The following PEX19 variants were observed in gnomAD, a reference collection of about 807,000 sequenced individuals.
PEX19 encodes 33 kDa housekeeping protein.
Under a neutral mutation model 36.3 loss-of-function variants are expected in PEX19, and 29 were observed. The ratio of observed to expected loss-of-function variants is 0.80; its 90% CI spans 0.60 to 1.09. The LOEUF is 1.09. Ranked by LOEUF, PEX19 falls within the 50% of genes least tolerant of loss-of-function variation. The pLI is 0.00. For missense variants in PEX19, 396 were observed against 368.1 expected (o/e 1.08, Z -0.62); for synonymous variants, 141 against 135.2 (o/e 1.04, Z -0.30).
rs1369737819 is a variant in PEX19, at chr1:160,277,929, A to C, written c.*1622T>G. 1.4e-6 allele frequency: 1 copy of C among 690,334 alleles called. No homozygotes were observed. The highest frequency in any genetic ancestry group is 1.5e-5 in the South Asian group (1 of 66,610). 42.8% of individuals were successfully genotyped at this position (690,334 alleles called of 1,614,324 possible). ...AAGGTATAGGAGTTGGAATTTCCCA[A>C]ATAGCCTGAGACCTTGAGAACATTT... On this transcript the variant is annotated 3_prime_UTR_variant, in exon 8 of 8. Transcript: ENST00000368072.
Position 160,279,488 on chromosome 1 carries a change from A to G in PEX19, c.*63T>C, listed in dbSNP as rs550487837. ...GGTGACACTCCTGCCTCAGGTCCCA[A>G]TGGTTCTGCTGACTCCAGATGTTCC... On this transcript the variant is annotated 3_prime_UTR_variant, in exon 8 of 8. Coordinates refer to ENST00000368072, the MANE Select transcript of PEX19 (RefSeq NM_002857.4). 158 of 1,348,862 alleles carry G rather than the reference A, an allele frequency of 1.2e-4. No homozygotes were observed. The African/African-American group carries it at 1.9e-3, about 16-fold the overall frequency. 83.6% of individuals were successfully genotyped at this position (1,348,862 alleles called of 1,614,324 possible). A position where few individuals can be genotyped will look rare whatever the true frequency, so the allele number is the denominator to read the frequency against.
intron 4 of PEX19, 29 bp from the exon 5 acceptor site, chr1:160,282,229 G>C (rs866356222): frequency 1.2e-6 from 2 of 1,612,322 alleles, no homozygotes; most frequent in African/African-American, 1.3e-5. Context: ...AGGTGAGCAG[G>C]TATACTACCT....
Position 160,278,588 on chromosome 1 carries a change from A to G in PEX19, c.*963T>C. 2.2e-6 allele frequency: 1 copy of G among 457,130 alleles called. No homozygotes were observed. Among genetic ancestry groups the G allele is most frequent in the Non-Finnish European group, 4.4e-6 (1 of 228,930 alleles). The allele number at this position is 457,130 out of a possible 1,614,324, so 28.3% of individuals were successfully genotyped here. On this transcript the variant is annotated 3_prime_UTR_variant, in exon 8 of 8. Transcript: ENST00000368072. ...AAGCTACTTTCCTGAACCAAGGGAC[A>G]GGATTCTAAGAGAATCATGTATCTC...
Position 160,278,063 on chromosome 1 carries a change from ATTTGC to A in PEX19, c.*1483_*1487del, listed in dbSNP as rs747104085. 2.1e-5 allele frequency: 15 copies of A among 702,282 alleles called. No homozygotes were observed. The highest frequency in any genetic ancestry group is 2.3e-4 in the Middle Eastern group (1 of 4,392). The allele number at this position is 702,282 out of a possible 1,614,324, so 43.5% of individuals were successfully genotyped here. ...TCAAAGCGACTCATAATGCATGTGAATTTGCTTTGGAGAGACTTATCTTCTGAGTG... is the reference window on the plus strand; with the variant it reads ...TCAAAGCGACTCATAATGCATGTGAATTTGGAGAGACTTATCTTCTGAGTG... On this transcript the variant is annotated 3_prime_UTR_variant, in exon 8 of 8. Transcript: ENST00000368072.
At position 160,277,361 on chromosome 1, in the gene PEX19, C is replaced by T. The variant is rs543067369; in HGVS notation, c.*2190G>A. The T allele has an allele frequency of 2.2e-5, 10 of 456,062 alleles. 1 individual carries two copies. Among genetic ancestry groups the T allele is most frequent in the South Asian group, 9.3e-5 (6 of 64,566 alleles). 28.3% of individuals were successfully genotyped at this position (456,062 alleles called of 1,614,324 possible). A position where few individuals can be genotyped will look rare whatever the true frequency, so the allele number is the denominator to read the frequency against. ...TTGGGTGCTGTCAAACTTGCCGGGTCGGCAGCACACAGTGTGAACTCCATA... is the reference window on the plus strand; with the variant it reads ...TTGGGTGCTGTCAAACTTGCCGGGTTGGCAGCACACAGTGTGAACTCCATA... On this transcript the variant is annotated 3_prime_UTR_variant, in exon 8 of 8. Coordinates refer to ENST00000368072, the MANE Select transcript of PEX19 (RefSeq NM_002857.4).
In PEX19 at chr1:160,279,591, C is replaced by A. The variant is rs1657687277; in HGVS notation, c.860G>T (p.Gly287Val). Reference sequence around the variant, plus strand: ...CTGTTCACCACTGGCACCTGGTGGGCCCGAAAGATTGAGGGCATCCAGGTC... The same window carrying A: ...CTGTTCACCACTGGCACCTGGTGGGACCGAAAGATTGAGGGCATCCAGGTC... Reference protein sequence around the residue: ...NFDLDALNLSGPPGASGEQCL... With the variant: ...NFDLDALNLSVPPGASGEQCL... Residue 287 changes from glycine to valine, a missense_variant, in exon 8 of 8, where the codon GGC (glycine) becomes GTC (valine). Transcript: ENST00000368072. 2 of 1,614,104 alleles carry A rather than the reference C, an allele frequency of 1.2e-6. No homozygotes were observed. Among genetic ancestry groups the A allele is most frequent in the Non-Finnish European group, 1.7e-6 (2 of 1,179,986 alleles).
rs1657627208 is a variant in PEX19, at chr1:160,278,417, G to A, written c.*1134C>T. On this transcript the variant is annotated 3_prime_UTR_variant, in exon 8 of 8. Coordinates refer to ENST00000368072, the MANE Select transcript of PEX19 (RefSeq NM_002857.4). ...AGCATTACAATATTGTGTAGAACTA[G>A]TCTCCTAATATACCTCACTCTGCAA... The A allele has an allele frequency of 1.6e-6, 1 of 633,702 alleles. No individual in the cohort carries two copies. The highest frequency in any genetic ancestry group is 1.8e-5 in the African/African-American group (1 of 55,498). The allele number at this position is 633,702 out of a possible 1,614,324, so 39.3% of individuals were successfully genotyped here.
chr1:160,282,449 TTAG>T lies in PEX19; in HGVS notation c.397_399del (p.Leu133del). 1 of 1,614,170 alleles carries T rather than the reference TTAG, an allele frequency of 6.2e-7. No homozygotes were observed. On this transcript the variant is annotated inframe_deletion, in exon 4 of 8. Transcript: ENST00000368072. ...TCAGTGGCATTTTTGGCTAATCCAC[TTAG>T]TGTTTCCTTTAGGCAAGAAGTGAAT... is the stretch of plus-strand genomic sequence containing the variant.
rs1557851672 is a variant in PEX19 at position 160,277,456 on chromosome 1, C to CA, written c.*2094dup. The CA allele has an allele frequency of 2.2e-6, 1 of 456,044 alleles. No individual in the cohort carries two copies. The highest frequency in any genetic ancestry group is 4.4e-6 in the Non-Finnish European group (1 of 226,802). 28.2% of individuals were successfully genotyped at this position (456,044 alleles called of 1,614,324 possible). On this transcript the variant is annotated 3_prime_UTR_variant, in exon 8 of 8. Transcript: ENST00000368072. ...GAAAACAAAAAACCTGGTCCTTTACCATACATAGTTTGAGAAAGACTGCCC... is the reference window on the plus strand; with the variant it reads ...GAAAACAAAAAACCTGGTCCTTTACCAATACATAGTTTGAGAAAGACTGCCC...
intron 6 of PEX19, 95 bp from the exon 7 acceptor site, chr1:160,279,940 CT>C: frequency 7.3e-7 from 1 of 1,370,546 alleles, no homozygotes; most frequent in Non-Finnish European, 1.0e-6. Context: ...CTCTCTATTT[CT>C]TCTGAGAGAG....
chr1:160,282,376 G>A (rs1399437042), intron 4 of PEX19, 41 bp downstream of exon 4: 1 of 1,501,750 alleles, frequency 6.7e-7, no homozygotes, highest in Non-Finnish European at 9.3e-7. Context: ...AGAAATGTCT[G>A]GGAGTGGACC....
intron 5 of PEX19, among the ~76,000 whole-genome samples, chr1:160,280,928 G>A (rs1571136644): frequency 6.6e-6 from 1 of 152,108 alleles, no homozygotes; most frequent in Non-Finnish European, 1.5e-5. Flanking sequence ...CTGACTCGTG[G>A]TCTGTACTAT....
Position 160,277,977 on chromosome 1 carries a change from A to T in PEX19, c.*1574T>A, listed in dbSNP as rs1310282834. On this transcript the variant is annotated 3_prime_UTR_variant, in exon 8 of 8. Transcript: ENST00000368072. ...TTTCCTTCCTCACCAATACCATAAA[A>T]CATGTAAGGTCTTCAAGGGGTGAAA... 2.9e-6 allele frequency: 2 copies of T among 698,070 alleles called. No homozygotes were observed. Among genetic ancestry groups the T allele is most frequent in the Non-Finnish European group, 5.2e-6 (2 of 382,900 alleles). The allele number at this position is 698,070 out of a possible 1,614,324, so 43.2% of individuals were successfully genotyped here. A position where few individuals can be genotyped will look rare whatever the true frequency, so the allele number is the denominator to read the frequency against.
At chr1:160,283,499 TC>T in intron 2 of PEX19, 30 bp downstream of exon 2, 1 of 1,486,182 alleles carries the variant, frequency 6.7e-7, no homozygotes, top group Non-Finnish European at 9.4e-7. Flanking sequence ...GCCCATCCCC[TC>T]CCCATCCCTT....
chr1:160,281,982 A>C, intron 5 of PEX19, 57 bp downstream of exon 5: 1 of 1,455,042 alleles, frequency 6.9e-7, no homozygotes, highest in Non-Finnish European at 9.6e-7. Flanking sequence ...AAAATAGCCC[A>C]CATCAGTTGA....
chr1:160,282,527 G>A (rs371459392), intron 3 of PEX19, 25 bp from the exon 4 acceptor site: 55 of 1,577,490 alleles, frequency 3.5e-5, no homozygotes, highest in African/African-American at 6.7e-5. Context: ...AAAAGCCAGC[G>A]TCATTTAGGA....
In PEX19 at chr1:160,280,263, TG is replaced by T. The variant is rs1557853678; in HGVS notation, c.595-18del. 1 of 1,608,964 alleles carries T rather than the reference TG, an allele frequency of 6.2e-7. No individual in the cohort carries two copies. Among genetic ancestry groups the T allele is most frequent in the East Asian group, 2.2e-5 (1 of 44,862 alleles). On this transcript the variant is annotated intron_variant, in intron 5 of 7. Coordinates refer to ENST00000368072, the MANE Select transcript of PEX19 (RefSeq NM_002857.4). Reference sequence around the variant, plus strand: ...TTCTGGATACTAAGAAAAGAGAGAATGGGTGGAAAAGAATTAAGTGAACAAT... The same window carrying T: ...TTCTGGATACTAAGAAAAGAGAGAATGGTGGAAAAGAATTAAGTGAACAAT...
In PEX19 at chr1:160,279,253, G is replaced by T; in HGVS notation, c.*298C>A. ...CCACATATAACATTATTTTGAGAAA[G>T]GAAAGAAAGTGCATGCCCCAAAAGG... On this transcript the variant is annotated 3_prime_UTR_variant, in exon 8 of 8. Transcript: ENST00000368072. 1.8e-6 allele frequency: 1 copy of T among 566,504 alleles called. No homozygotes were observed. Among genetic ancestry groups the T allele is most frequent in the South Asian group, 1.5e-5 (1 of 65,470 alleles). 35.1% of individuals were successfully genotyped at this position (566,504 alleles called of 1,614,324 possible).
At chr1:160,284,613 T>C (rs1657927132) in intron 1 of PEX19, among the ~76,000 whole-genome samples, 1 of 152,100 alleles carries the variant, frequency 6.6e-6, no homozygotes, top group African/African-American at 2.4e-5. Context: ...GAGAAAAGTG[T>C]CTTTCGTGTT....
Sources: allele counts gnomAD v4.1 joint callset (sites outside exome capture counted in the v4.1 genomes callset), GRCh38; gene constraint gnomAD v4.1.1; transcripts MANE v1.5; gene names NCBI Gene and HGNC (gene_info 2026-07-23, HGNC 2026-07-21).